Variants in TSNARE1 observed in about 807,000 individuals in gnomAD.
TSNARE1 encodes the protein t-SNARE domain containing 1, also known as t-SNARE domain-containing protein 1.
Under a neutral mutation model 62.0 loss-of-function variants are expected in TSNARE1, and 49 were observed. The observed-to-expected ratio is 0.79, with a 90% confidence interval of 0.63 to 1.00. TSNARE1 has a LOEUF of 1.00. Ranked by LOEUF, TSNARE1 falls within the 50% of genes least tolerant of loss-of-function variation. TSNARE1 has a pLI of 0.00. For synonymous variants in TSNARE1, 328 were observed against 294.4 expected, an observed-to-expected ratio of 1.11 and a Z score of -1.17; for missense variants, 755 against 700.1, an observed-to-expected ratio of 1.08 and a Z score of -0.88.
chr8:142,244,141 G>A (rs1301673652), intron 12 of TSNARE1, among the ~76,000 whole-genome samples: 11 of 152,192 alleles, frequency 7.2e-5, no homozygotes, highest in Admixed American at 3.3e-4. Flanking sequence ...AGCCGAGATC[G>A]CGCCACTGCA....
chr8:142,229,690 C>A, intron 12 of TSNARE1, 111 bp from the exon 13 acceptor site: 1 of 868,952 alleles, frequency 1.2e-6, no homozygotes, highest in Non-Finnish European at 1.8e-6. Flanking sequence ...CTGAGTCCAC[C>A]CTGGGGCAGG....
At chr8:142,223,022 A>AC (rs1816502141) in intron 13 of TSNARE1, among the ~76,000 whole-genome samples, 1 of 129,096 alleles carries the variant, frequency 7.7e-6, no homozygotes, top group African/African-American at 3.1e-5. Flanking sequence ...TCACTCACTC[A>AC]GCCACTCACT....
At chr8:142,244,892 A>G (rs181195477) in intron 12 of TSNARE1, among the ~76,000 whole-genome samples, 4 of 152,390 alleles carry the variant, frequency 2.6e-5, no homozygotes, top group Admixed American at 1.3e-4. Flanking sequence ...TCGGCCAGAG[A>G]GGACATTTGC....
At chr8:142,229,830 C>T (rs1817018860) in intron 12 of TSNARE1, among the ~76,000 whole-genome samples, 1 of 152,160 alleles carries the variant, frequency 6.6e-6, no homozygotes, top group South Asian at 2.1e-4. Flanking sequence ...AACTTAAGCT[C>T]CAGAGTCAGC....
chr8:142,376,441 GTGGGA>G (rs533942770), intron 1 of TSNARE1, among the ~76,000 whole-genome samples: 96 of 152,336 alleles, frequency 6.3e-4, no homozygotes, highest in Middle Eastern at 3.4e-3. Context: ...GCCCTCATCA[GTGGGA>G]TGAGTGCCCT....
chr8:142,220,921 T>A (rs554154573), intron 13 of TSNARE1, among the ~76,000 whole-genome samples: 29 of 152,332 alleles, frequency 1.9e-4, no homozygotes, highest in African/African-American at 5.5e-4. Flanking sequence ...GAGGACAGAA[T>A]CCGTGTAAAG....
At chr8:142,257,183 G>A (rs942521922) in intron 12 of TSNARE1, among the ~76,000 whole-genome samples, 13 of 152,302 alleles carry the variant, frequency 8.5e-5, no homozygotes, top group African/African-American at 2.6e-4. Flanking sequence ...GCCCACTTCG[G>A]GGGTGACCTT....
At chr8:142,375,107 G>A (rs1836231693) in intron 1 of TSNARE1, among the ~76,000 whole-genome samples, 1 of 152,242 alleles carries the variant, frequency 6.6e-6, no homozygotes, top group African/African-American at 2.4e-5. Context: ...ACACAGGGGT[G>A]GCCCCATTGG....
At chr8:142,314,758 T>A (rs899994256) in intron 8 of TSNARE1, among the ~76,000 whole-genome samples, 1 of 152,234 alleles carries the variant, frequency 6.6e-6, no homozygotes, top group African/African-American at 2.4e-5. Flanking sequence ...AGACTTGTTC[T>A]TCCTGCTTCC....
intron 12 of TSNARE1, among the ~76,000 whole-genome samples, chr8:142,265,777 T>G (rs1277518905): frequency 1.3e-5 from 2 of 152,222 alleles, no homozygotes; most frequent in Non-Finnish European, 2.9e-5. Flanking sequence ...CGGCAGGCAG[T>G]GGCATCGCGG....
At chr8:142,372,548 T>A (rs1221382962) in intron 1 of TSNARE1, among the ~76,000 whole-genome samples, 1 of 152,122 alleles carries the variant, frequency 6.6e-6, no homozygotes, top group African/African-American at 2.4e-5. Flanking sequence ...GCGGGGGTGC[T>A]GGCTTCCCTC....
chr8:142,223,567 T>C lies in TSNARE1; in HGVS notation c.*11+5906A>G, dbSNP rs141249647. Among the ~76,000 whole-genome samples, 96 of 9,794 alleles carry C rather than the reference T, an allele frequency of 9.8e-3. 40 individuals carry two copies. Among genetic ancestry groups the C allele is most frequent in the Middle Eastern group, 0.11 (2 of 18 alleles). The allele number at this position is 9,794 out of a possible 152,430, so 6.4% of individuals were successfully genotyped here. A position where few individuals can be genotyped will look rare whatever the true frequency, so the allele number is the denominator to read the frequency against. ...ACTCACTCATTCACTCACTCACTCA[T>C]TCACTAACTCATCCACTCACTCATT... On this transcript the variant is annotated intron_variant, in intron 13 of 13. Coordinates refer to ENST00000524325, the MANE Select transcript of TSNARE1 (RefSeq NM_145003.5).
intron 1 of TSNARE1, among the ~76,000 whole-genome samples, chr8:142,394,998 G>C (rs1837797454): frequency 6.6e-6 from 1 of 152,140 alleles, no homozygotes; most frequent in African/African-American, 2.4e-5. Context: ...GTGTCACCTT[G>C]GAGGCTGCTC....
chr8:142,271,404 G>C (rs1435728204), intron 12 of TSNARE1: 2 of 1,242,008 alleles, frequency 1.6e-6, no homozygotes, highest in Non-Finnish European at 2.0e-6. Context: ...TGCTGCCGGT[G>C]GGAGTCCAGC....
chr8:142,306,774 T>C (rs1254757238), intron 9 of TSNARE1, among the ~76,000 whole-genome samples: 1 of 152,204 alleles, frequency 6.6e-6, no homozygotes, highest in Non-Finnish European at 1.5e-5. Context: ...TAACCTTCCA[T>C]GATTTCTCAG....
At chr8:142,380,219 A>C (rs978999288) in intron 1 of TSNARE1, among the ~76,000 whole-genome samples, 2 of 152,240 alleles carry the variant, frequency 1.3e-5, no homozygotes, top group African/African-American at 4.8e-5. Context: ...AGATGAAAGA[A>C]CAAGGAGAGC....
upstream of TSNARE1, chr8:142,403,870 G>T (rs1587187329): frequency 6.6e-6 from 1 of 152,488 alleles, no homozygotes; most frequent in East Asian, 1.9e-4. Context: ...TCTGCCTGCG[G>T]GCACTGAGCT....
chr8:142,271,493 G>A, intron 12 of TSNARE1: 1 of 1,295,752 alleles, frequency 7.7e-7, no homozygotes, highest in Non-Finnish European at 9.8e-7. Flanking sequence ...TGGCGCCGAA[G>A]AGGGCGGGGA....
In TSNARE1 at chr8:142,330,074, C is replaced by T. The variant is rs112548907; in HGVS notation, c.893+827G>A. 9.4e-3 allele frequency among the ~76,000 whole-genome samples: 1,432 copies of T among 152,320 alleles called. 15 individuals carry two copies. Among genetic ancestry groups the T allele is most frequent in the Non-Finnish European group, 0.015 (1,046 of 68,022 alleles). On this transcript the variant is annotated intron_variant, in intron 6 of 13. Coordinates refer to ENST00000524325, the MANE Select transcript of TSNARE1 (RefSeq NM_145003.5). ...GCCACCAGTTCTGCACAGGGGAGTG[C>T]GAGGACAACGTCCCAGTGCAGTGGC...
Sources: gnomAD v4.1 joint callset for allele counts (sites outside exome capture counted in the v4.1 genomes callset) on GRCh38, gnomAD v4.1.1 for gene constraint, MANE v1.5 for transcripts, NCBI Gene and HGNC (gene_info 2026-07-23, HGNC 2026-07-21) for gene names.